Variants in GALK2 observed in about 807,000 individuals in gnomAD.
The protein encoded by GALK2 is galactokinase 2.
GALK2 carries 36 observed loss-of-function variants against 52.4 expected under a neutral mutation model. That is an observed-to-expected ratio of 0.69 (90% CI 0.53 to 0.91). The LOEUF is 0.91. Ranked by LOEUF, GALK2 falls within the 40% of genes least tolerant of loss-of-function variation. The pLI, the probability that GALK2 is intolerant of heterozygous loss-of-function variation, is 0.00. For missense variants in GALK2, 579 were observed against 559.1 expected (o/e 1.04, Z -0.36); for synonymous variants, 176 against 199.1 (o/e 0.88, Z 0.98).
intron 3 of GALK2, among the ~76,000 whole-genome samples, chr15:49,218,311 T>C (rs889713681): frequency 6.6e-6 from 1 of 152,240 alleles, no homozygotes; most frequent in Non-Finnish European, 1.5e-5. Flanking sequence ...GCTCACATTA[T>C]GTCAAGCATA....
At chr15:49,192,485 G>GTATATATATGTATGTATA (rs1555400548) in intron 1 of GALK2, among the ~76,000 whole-genome samples, 2 of 102,976 alleles carry the variant, frequency 1.9e-5, no homozygotes, top group Non-Finnish European at 3.8e-5. Context: ...ATATATATAT[G>GTATATATATGTATGTATA]TATATATATA....
intron 3 of GALK2, among the ~76,000 whole-genome samples, chr15:49,352,425 CTTATG>C (rs879857206): frequency 2.0e-5 from 3 of 152,122 alleles, no homozygotes; most frequent in Admixed American, 6.5e-5. Context: ...TGCCATAGGA[CTTATG>C]TTAAGTAAGT....
At chr15:49,275,349 C>T (rs1355266960) in intron 5 of GALK2, among the ~76,000 whole-genome samples, 1 of 152,208 alleles carries the variant, frequency 6.6e-6, no homozygotes. Flanking sequence ...CAGAAGCTGT[C>T]ACTCCAGGTT....
intron 3 of GALK2, among the ~76,000 whole-genome samples, chr15:49,361,176 TAC>T (rs1450930511): frequency 1.3e-4 from 20 of 152,196 alleles, no homozygotes; most frequent in South Asian, 2.1e-4. Flanking sequence ...CATAAATATA[TAC>T]AATTATAATT....
At chr15:49,233,277 G>C (rs1398715857) in intron 3 of GALK2, among the ~76,000 whole-genome samples, 2 of 152,126 alleles carry the variant, frequency 1.3e-5, no homozygotes, top group Non-Finnish European at 2.9e-5. Context: ...AAGTGCCACA[G>C]ACTTTTTAAA....
intron 1 of GALK2, among the ~76,000 whole-genome samples, chr15:49,179,633 C>G (rs1210449311): frequency 7.0e-6 from 1 of 143,486 alleles, no homozygotes; most frequent in African/African-American, 2.6e-5. Flanking sequence ...TACTGCTGTT[C>G]TTTTTTCTTT....
At chr15:49,213,711 A>C (rs1434024023) in intron 2 of GALK2, among the ~76,000 whole-genome samples, 1 of 152,092 alleles carries the variant, frequency 6.6e-6, no homozygotes, top group Non-Finnish European at 1.5e-5. Context: ...CAGACTTACT[A>C]CTGCCATTTT....
intron 3 of GALK2, among the ~76,000 whole-genome samples, chr15:49,219,536 C>T (rs866968234): frequency 7.2e-5 from 11 of 152,118 alleles, no homozygotes; most frequent in African/African-American, 2.2e-4. Flanking sequence ...TGGCTGGGCA[C>T]GGTGGTTCAC....
intron 3 of GALK2, among the ~76,000 whole-genome samples, chr15:49,358,297 G>C (rs944107373): frequency 7.9e-6 from 1 of 126,098 alleles, no homozygotes; most frequent in African/African-American, 3.0e-5. Flanking sequence ...AAGTCAAATT[G>C]TCCCTGTTTG....
At chr15:49,178,318 TATGTATGTACATATATACATGATGTAC>T (rs1201234767) in intron 1 of GALK2, 5 of 132,380 alleles carry the variant, frequency 3.8e-5, no homozygotes, top group African/African-American at 1.3e-4. Context: ...TATGCACATA[TATGTATGTACATATATACATGATGTAC>T]ATGTATATCA....
intron 1 of GALK2, chr15:49,177,896 C>T (rs940486532): frequency 2.3e-5 from 4 of 176,078 alleles, no homozygotes; most frequent in Admixed American, 1.2e-4. Context: ...TGGCTCACAC[C>T]TGTAATCCCA....
chr15:49,363,847 G>T (rs2044671743), intron 3 of GALK2, among the ~76,000 whole-genome samples: 1 of 152,094 alleles, frequency 6.6e-6, no homozygotes, highest in African/African-American at 2.4e-5. Context: ...TGTATCAAAA[G>T]CCTATTCTGC....
chr15:49,365,705 T>G, intron 3 of GALK2: 1 of 910,102 alleles, frequency 1.1e-6, no homozygotes. Context: ...TTAATTAAAT[T>G]CAGACAGAAA....
In GALK2 at chr15:49,347,768, C is replaced by G. The variant is rs569310814; in HGVS notation, c.427-19723C>G. On this transcript the variant is annotated intron_variant, in intron 3 of 3. Transcript: ENST00000558399. The stretch of plus-strand genomic sequence containing the variant: ...GCATGGTGGCTCACGCCAGTAATCT[C>G]AACACTTTGGGAGGCTAAGGTGGGT... 9.2e-5 allele frequency among the ~76,000 whole-genome samples: 14 copies of G among 152,220 alleles called. No individual in the cohort carries two copies. In the East Asian group the frequency reaches 2.7e-3, roughly 29 times the overall value.
At chr15:49,259,298 A>G (rs1765070136) in intron 5 of GALK2, among the ~76,000 whole-genome samples, 2 of 150,630 alleles carry the variant, frequency 1.3e-5, no homozygotes, top group African/African-American at 2.4e-5. Flanking sequence ...TTAACTCCTC[A>G]TTTAGCATTA....
Position 49,262,275 on chromosome 15 carries a change from C to T in GALK2, c.505-19712C>T, listed in dbSNP as rs1213232332. On this transcript the variant is annotated intron_variant, in intron 5 of 9. Transcript: ENST00000560031. ...GTTATTGGTCTTTTCAGAGATTCAA[C>T]TTCTTCCTGGTTTAGTCTTGGGAGG... is the stretch of plus-strand genomic sequence containing the variant. Among the ~76,000 whole-genome samples the T allele has an allele frequency of 3.9e-5, 6 of 152,166 alleles. No individual in the cohort carries two copies. In the East Asian group the frequency reaches 1.2e-3, roughly 29 times the overall value.
chr15:49,282,179 A>G (rs185206326), intron 6 of GALK2, 94 bp downstream of exon 6: 3 of 821,448 alleles, frequency 3.7e-6, no homozygotes, highest in Admixed American at 2.1e-5. Context: ...ATGCTTGGTT[A>G]TGGACAGCCT....
chr15:49,174,182 C>T (rs78593792), intron 1 of GALK2, among the ~76,000 whole-genome samples: 10,312 of 152,090 alleles, frequency 0.068, 735 homozygotes, highest in African/African-American at 0.17. Context: ...TACATATGTA[C>T]ATATATGTAT....
At chr15:49,205,212 A>G (rs954595810) in intron 2 of GALK2, among the ~76,000 whole-genome samples, 7 of 152,178 alleles carry the variant, frequency 4.6e-5, no homozygotes, top group Admixed American at 4.6e-4. Flanking sequence ...ATCTTTTTCA[A>G]ATAATGACTT....
Sources: allele counts gnomAD v4.1 joint callset (sites outside exome capture counted in the v4.1 genomes callset), GRCh38; gene constraint gnomAD v4.1.1; transcripts MANE v1.5; gene names NCBI Gene and HGNC (gene_info 2026-07-23, HGNC 2026-07-21).